Variants in ITPR2 observed in about 807,000 individuals in gnomAD.
The protein encoded by ITPR2 is inositol 1,4,5-trisphosphate receptor type 2, also known as inositol 1,4,5-trisphosphate-gated calcium channel ITPR2.
ITPR2 carries 207 observed loss-of-function variants against 317.1 expected under a neutral mutation model. The observed-to-expected ratio is 0.65, with a 90% CI of 0.58 to 0.73. The LOEUF (loss-of-function observed/expected upper bound fraction) is 0.73, where lower values mean the gene tolerates loss of function less well. Ranked by LOEUF, ITPR2 falls within the 30% of genes least tolerant of loss-of-function variation. ITPR2 has a pLI of 0.00. For synonymous variants in ITPR2, 1,156 were observed against 1,149.1 expected, an observed-to-expected ratio of 1.01 and a Z score of -0.12; for missense variants, 2,613 against 3,284.0, an observed-to-expected ratio of 0.80 and a Z score of 4.99.
chr12:26,790,425 T>C (rs928747519), intron 1 of ITPR2, among the ~76,000 whole-genome samples, 198 bp from the exon 2 acceptor site: 3 of 152,186 alleles, frequency 2.0e-5, no homozygotes, highest in Admixed American at 6.5e-5. Flanking sequence ...AATTGAAACA[T>C]TGGAAACATT....
At chr12:26,811,853 GA>G (rs35083731) in intron 1 of ITPR2, among the ~76,000 whole-genome samples, 21,011 of 71,878 alleles carry the variant, frequency 0.29, 1,950 homozygotes, top group Non-Finnish European at 0.37. Context: ...GACTCCGTCT[GA>G]AAAAAAAAAA....
intron 43 of ITPR2, 78 bp from the exon 44 acceptor site, chr12:26,477,085 G>A: frequency 1.1e-6 from 1 of 874,774 alleles, no homozygotes; most frequent in Non-Finnish European, 1.8e-6. Context: ...TGTTTTAATT[G>A]AGATTACTAG....
At position 26,411,429 on chromosome 12, in the gene ITPR2, T is replaced by G. The variant is rs377473035; in HGVS notation, c.7307-17A>C. 4 of 1,530,720 alleles carry G rather than the reference T, an allele frequency of 2.6e-6. No individual in the cohort carries two copies. Among genetic ancestry groups the G allele is most frequent in the Non-Finnish European group, 3.6e-6 (4 of 1,105,384 alleles). The allele number at this position is 1,530,720 out of a possible 1,614,324, so 94.8% of individuals were successfully genotyped here. A position where few individuals can be genotyped will look rare whatever the true frequency, so the allele number is the denominator to read the frequency against. Reference sequence around the variant, plus strand: ...GATGACTGCCTAAGAAAATACAAAGTAGTATATAATATAGAGTCAAATATG... The same window carrying G: ...GATGACTGCCTAAGAAAATACAAAGGAGTATATAATATAGAGTCAAATATG... On this transcript the variant is annotated splice_polypyrimidine_tract_variant and intron_variant, in intron 51 of 56. Transcript: ENST00000381340.
rs555875461 is a variant in ITPR2 at position 26,812,462 on chromosome 12, C to G, written c.92+20228G>C. ...GGCGTGGTGGCAGGCGCCTGTACTC[C>G]CAGCTACTCGGGAGGCTGAGGCAGG... On this transcript the variant is annotated intron_variant, in intron 1 of 56. Transcript: ENST00000381340. Among the ~76,000 whole-genome samples the G allele has an allele frequency of 1.4e-4, 21 of 152,094 alleles. No individual in the cohort carries two copies. The East Asian group carries it at 3.3e-3, about 24-fold the overall frequency.
intron 1 of ITPR2, among the ~76,000 whole-genome samples, chr12:26,818,432 C>T (rs1266543523): frequency 6.6e-6 from 1 of 152,156 alleles, no homozygotes; most frequent in Non-Finnish European, 1.5e-5. Context: ...ACAATGACTT[C>T]GTTGTACTGA....
At chr12:26,645,754 C>A (rs942647020) in intron 21 of ITPR2, among the ~76,000 whole-genome samples, 1 of 152,152 alleles carries the variant, frequency 6.6e-6, no homozygotes, top group Non-Finnish European at 1.5e-5. Context: ...TTTGCAGAGA[C>A]CTGAAAAGAG....
At chr12:26,653,907 T>G (rs974088463) in intron 21 of ITPR2, 69 bp downstream of exon 21, 93 of 1,309,542 alleles carry the variant, frequency 7.1e-5, no homozygotes, top group Admixed American at 9.0e-5. Context: ...ACCCCTTCTC[T>G]GTAGTTTTGT....
intron 37 of ITPR2, among the ~76,000 whole-genome samples, chr12:26,540,452 T>C (rs1032143378): frequency 2.0e-5 from 3 of 152,230 alleles, no homozygotes; most frequent in African/African-American, 7.2e-5. Flanking sequence ...TCTCCTTTTT[T>C]TTCTTTTAAT....
intron 43 of ITPR2, among the ~76,000 whole-genome samples, chr12:26,479,143 A>T (rs974081785): frequency 5.7e-5 from 2 of 35,058 alleles, no homozygotes; most frequent in Non-Finnish European, 1.9e-4. Context: ...TCATTCACTA[A>T]GAAAAAAAAA....
chr12:26,342,508 G>T (rs1457310193), intron 55 of ITPR2, among the ~76,000 whole-genome samples: 19 of 72,956 alleles, frequency 2.6e-4, no homozygotes, highest in Admixed American at 1.3e-3. Flanking sequence ...GGGGGGGGGG[G>T]GGGGGCGGGG....
chr12:26,405,189 A>G (rs1940309724), intron 52 of ITPR2, among the ~76,000 whole-genome samples: 1 of 152,088 alleles, frequency 6.6e-6, no homozygotes, highest in Admixed American at 6.5e-5. Flanking sequence ...GGGAGAGAAC[A>G]TGTTGCTTAT....
intron 21 of ITPR2, among the ~76,000 whole-genome samples, chr12:26,651,581 T>G (rs929018627): frequency 1.3e-5 from 2 of 152,214 alleles, no homozygotes; most frequent in Non-Finnish European, 2.9e-5. Context: ...CCATTTAGAG[T>G]ACCATGTTAC....
At chr12:26,755,674 C>T (rs1451926014) in intron 2 of ITPR2, among the ~76,000 whole-genome samples, 3 of 152,210 alleles carry the variant, frequency 2.0e-5, no homozygotes, top group Non-Finnish European at 4.4e-5. Flanking sequence ...AAGTGCAATA[C>T]AAATCTGTTT....
At chr12:26,550,630 A>AT (rs1310465854) in intron 36 of ITPR2, among the ~76,000 whole-genome samples, 1 of 152,118 alleles carries the variant, frequency 6.6e-6, no homozygotes, top group African/African-American at 2.4e-5. Context: ...AAACAATGAA[A>AT]TACTAATATT....
intron 13 of ITPR2, among the ~76,000 whole-genome samples, chr12:26,673,162 G>C (rs1373962335): frequency 3.3e-5 from 5 of 152,118 alleles, no homozygotes; most frequent in African/African-American, 1.2e-4. Context: ...CCAATCAATA[G>C]AAAAAGAGGG....
At chr12:26,644,614 A>G (rs1947069961) in intron 21 of ITPR2, among the ~76,000 whole-genome samples, 1 of 152,196 alleles carries the variant, frequency 6.6e-6, no homozygotes, top group South Asian at 2.1e-4. Context: ...AGCATGTGCA[A>G]GGGAACTCCC....
At chr12:26,772,441 TTATATATATTA>T (rs1305424427) in intron 2 of ITPR2, among the ~76,000 whole-genome samples, 1 of 101,260 alleles carries the variant, frequency 9.9e-6, no homozygotes, top group Non-Finnish European at 2.0e-5. Flanking sequence ...AATACATGTA[TTATATATATTA>T]TATATATAAT....
chr12:26,661,532 G>A (rs1175923947), intron 15 of ITPR2, among the ~76,000 whole-genome samples: 1 of 152,136 alleles, frequency 6.6e-6, no homozygotes, highest in African/African-American at 2.4e-5. Context: ...TATAGAAAAG[G>A]GAAGGGGCCC....
At chr12:26,705,808 C>A (rs1948540044) in intron 9 of ITPR2, among the ~76,000 whole-genome samples, 1 of 152,190 alleles carries the variant, frequency 6.6e-6, no homozygotes, top group African/African-American at 2.4e-5. Context: ...CCCTTCCCTT[C>A]CTCACCATTA....
Sources: allele counts gnomAD v4.1 joint callset (sites outside exome capture counted in the v4.1 genomes callset), GRCh38; gene constraint gnomAD v4.1.1; transcripts MANE v1.5; gene names NCBI Gene and HGNC (gene_info 2026-07-23, HGNC 2026-07-21).